The following ARHGAP8 variants were observed in gnomAD, a reference collection of about 807,000 sequenced individuals.
ARHGAP8 encodes rho GTPase-activating protein 8.
ARHGAP8 carries 62 observed loss-of-function variants against 46.1 expected under a neutral mutation model. The observed-to-expected ratio is 1.34, with a 90% CI of 1.10 to 1.66. The LOEUF (loss-of-function observed/expected upper bound fraction) is 1.66. Among genes scored for constraint, ARHGAP8 ranks in the 40% most tolerant of loss-of-function variants. The pLI, the probability that ARHGAP8 is intolerant of heterozygous loss-of-function variation, is 0.00. For missense variants in ARHGAP8, 923 were observed against 568.4 expected (o/e 1.62, Z -6.34); for synonymous variants, 375 against 243.1 (o/e 1.54, Z -5.05).
intron 11 of ARHGAP8, among the ~76,000 whole-genome samples, chr22:44,861,253 G>A (rs773926465): frequency 1.3e-5 from 2 of 152,176 alleles, no homozygotes; most frequent in Non-Finnish European, 2.9e-5. Context: ...GATTACAGGT[G>A]TGAGCCACTG....
chr22:44,756,309 C>A, intron 1 of ARHGAP8, among the ~76,000 whole-genome samples: 1 of 152,138 alleles, frequency 6.6e-6, no homozygotes, highest in East Asian at 1.9e-4. Context: ...TTTGTTATCA[C>A]AGGAAAGGTT....
chr22:44,784,467 G>T (rs1470614839), intron 1 of ARHGAP8, among the ~76,000 whole-genome samples: 1 of 152,178 alleles, frequency 6.6e-6, no homozygotes, highest in Admixed American at 6.5e-5. Context: ...ATTGTATTTG[G>T]TATTATAAGT....
intron 3 of ARHGAP8, among the ~76,000 whole-genome samples, chr22:44,803,516 C>CA (rs566157658): frequency 2.0e-4 from 30 of 152,012 alleles, no homozygotes; most frequent in African/African-American, 7.0e-4. Context: ...CCAGCCTTTG[C>CA]ATGCAGCACC....
rs2146976549 is a variant in ARHGAP8, at chr22:44,754,339, T to TGG, written c.-72+1713_-72+1714insGG. Among the ~76,000 whole-genome samples, 3 of 83,606 alleles carry TGG rather than the reference T, an allele frequency of 3.6e-5. 1 individual carries two copies. In the East Asian group the frequency reaches 9.1e-4, roughly 25 times the overall value. 54.8% of individuals were successfully genotyped at this position (83,606 alleles called of 152,430 possible). A position where few individuals can be genotyped will look rare whatever the true frequency, so the allele number is the denominator to read the frequency against. On this transcript the variant is annotated intron_variant, in intron 1 of 11. Transcript: ENST00000356099. ...TAACATCATTGGGTCATTGAAACTTTGTGTGTGTGTGTGTGTGTGTGTGTG... is the reference window on the plus strand; with the variant it reads ...TAACATCATTGGGTCATTGAAACTTTGGGTGTGTGTGTGTGTGTGTGTGTGTG...
chr22:44,818,529 C>T (rs535138096), intron 5 of ARHGAP8, among the ~76,000 whole-genome samples: 245 of 152,168 alleles, frequency 1.6e-3, no homozygotes, highest in Non-Finnish European at 3.0e-3. Context: ...TGCCTGGGCT[C>T]GACTGCTCTG....
chr22:44,807,220 C>T (rs1300906130), intron 3 of ARHGAP8, among the ~76,000 whole-genome samples: 1 of 152,190 alleles, frequency 6.6e-6, no homozygotes, highest in Non-Finnish European at 1.5e-5. Context: ...CATGGCCTGA[C>T]CGGCTCAGTG....
At chr22:44,861,741 C>G (rs2070496702) in intron 11 of ARHGAP8, among the ~76,000 whole-genome samples, 1 of 152,136 alleles carries the variant, frequency 6.6e-6, no homozygotes, top group Non-Finnish European at 1.5e-5. Flanking sequence ...CTTCCAGGCC[C>G]CAGATTCCTC....
chr22:44,845,200 C>A, intron 7 of ARHGAP8, 69 bp from the exon 8 acceptor site: 4 of 1,583,810 alleles, frequency 2.5e-6, no homozygotes, highest in Non-Finnish European at 3.4e-6. Flanking sequence ...AGAGGACCAG[C>A]GCCTCTTCTC....
At chr22:44,821,241 C>A (rs1013982924) in intron 5 of ARHGAP8, among the ~76,000 whole-genome samples, 1 of 152,052 alleles carries the variant, frequency 6.6e-6, no homozygotes. Flanking sequence ...ACCATCCTGG[C>A]TAACATGTTG....
At chr22:44,850,934 A>T (rs1229424645) in intron 10 of ARHGAP8, 1 of 143,320 alleles carries the variant, frequency 7.0e-6, no homozygotes, top group Non-Finnish European at 1.5e-5. Context: ...ATTGCACTGC[A>T]GCCTAGGTGA....
intron 1 of ARHGAP8, among the ~76,000 whole-genome samples, chr22:44,759,175 A>G (rs1434387115): frequency 6.6e-6 from 1 of 152,012 alleles, no homozygotes; most frequent in Non-Finnish European, 1.5e-5. Flanking sequence ...CTTTTATTCA[A>G]CAGACCTCCC....
rs377110472 is a variant in ARHGAP8, at chr22:44,862,533, A to C, written c.1240A>C (p.Thr414Pro). 1.1e-5 allele frequency: 17 copies of C among 1,610,010 alleles called. No homozygotes were observed. The highest frequency in any genetic ancestry group is 1.4e-5 in the Non-Finnish European group (16 of 1,176,906). Residue 414 changes from threonine to proline, a missense_variant, in exon 12 of 12, where the codon ACG (threonine) becomes CCG (proline). Thr to Pro is a conservative substitution (Grantham distance 38). Coordinates refer to ENST00000356099, the MANE Select transcript of ARHGAP8 (RefSeq NM_181335.3). ...LQEAVPRTQA[T>P]GLTKPTLPPS... is the part of the protein sequence containing the mutation. The stretch of plus-strand genomic sequence containing the variant: ...GGAGGCTGTGCCACGGACACAAGCC[A>C]CGGGCCTCACCAAGCCTACCCTACC...
intron 7 of ARHGAP8, among the ~76,000 whole-genome samples, chr22:44,826,582 G>A (rs1301805522): frequency 3.9e-5 from 6 of 151,960 alleles, no homozygotes; most frequent in East Asian, 3.9e-4. Flanking sequence ...ACACCACCAC[G>A]CCTGGCTAAT....
intron 8 of ARHGAP8, among the ~76,000 whole-genome samples, chr22:44,846,042 C>T (rs1360955160): frequency 6.6e-6 from 1 of 152,038 alleles, no homozygotes; most frequent in Admixed American, 6.5e-5. Flanking sequence ...CAAGGCAGGG[C>T]TGGCTCCTCT....
intron 2 of ARHGAP8, among the ~76,000 whole-genome samples, chr22:44,800,093 GTTCT>G (rs1928382826): frequency 7.1e-6 from 1 of 140,688 alleles, no homozygotes; most frequent in Non-Finnish European, 1.5e-5. Flanking sequence ...TCAGGAGTCT[GTTCT>G]GTCTTTTTTT....
chr22:44,844,079 C>G (rs552368465), intron 7 of ARHGAP8, among the ~76,000 whole-genome samples: 1 of 152,178 alleles, frequency 6.6e-6, no homozygotes, highest in African/African-American at 2.4e-5. Context: ...TCAAGTGATT[C>G]TCCTGCCTCA....
chr22:44,815,891 A>T (rs1284503449), intron 5 of ARHGAP8, among the ~76,000 whole-genome samples: 1 of 151,472 alleles, frequency 6.6e-6, no homozygotes, highest in Non-Finnish European at 1.5e-5. Context: ...TCGTTCTTGC[A>T]CGGTGGCTCT....
rs559620744 is a variant in ARHGAP8 at position 44,755,357 on chromosome 22, C to T, written c.-72+2730C>T. On this transcript the variant is annotated intron_variant, in intron 1 of 11. Transcript: ENST00000356099. ...GGAGCCATTCGGAGCCTGCCGGTGACTACCCTTCAAATCTATGTGAAATTA... is the reference window on the plus strand; with the variant it reads ...GGAGCCATTCGGAGCCTGCCGGTGATTACCCTTCAAATCTATGTGAAATTA... Among the ~76,000 whole-genome samples the T allele has an allele frequency of 7.9e-5, 12 of 152,368 alleles. No individual in the cohort carries two copies. In the South Asian group the frequency reaches 2.5e-3, roughly 32 times the overall value.
At chr22:44,813,615 ACGCT>A (rs1260051688) in intron 4 of ARHGAP8, among the ~76,000 whole-genome samples, 1 of 151,318 alleles carries the variant, frequency 6.6e-6, no homozygotes, top group Non-Finnish European at 1.5e-5. Flanking sequence ...ACACACACTT[ACGCT>A]TACTTATATC....
Sources: allele counts gnomAD v4.1 joint callset (sites outside exome capture counted in the v4.1 genomes callset), GRCh38; gene constraint gnomAD v4.1.1; transcripts MANE v1.5; gene names NCBI Gene and HGNC (gene_info 2026-07-23, HGNC 2026-07-21).